Variants in LTA4H observed in about 807,000 individuals in gnomAD.
LTA4H encodes the protein leukotriene A4 hydrolase, also known as leukotriene A-4 hydrolase.
LTA4H carries 59 observed loss-of-function variants against 89.8 expected under a neutral mutation model. The ratio of observed to expected loss-of-function variants is 0.66; its 90% CI spans 0.53 to 0.82. The LOEUF is 0.82. LTA4H is among the 40% of genes least tolerant of loss of function. LTA4H has a pLI of 0.00. For synonymous variants in LTA4H, 227 were observed against 253.1 expected, an observed-to-expected ratio of 0.90 and a Z score of 0.98; for missense variants, 617 against 727.0, an observed-to-expected ratio of 0.85 and a Z score of 1.74.
At chr12:96,023,295 A>C (rs552525420) in intron 4 of LTA4H, among the ~76,000 whole-genome samples, 40 of 151,986 alleles carry the variant, frequency 2.6e-4, no homozygotes, top group Non-Finnish European at 4.7e-4. Context: ...CGGTTCAGCC[A>C]CCTCCCTTCA....
chr12:96,019,132 A>G (rs778766372), intron 7 of LTA4H, 36 bp downstream of exon 7: 9 of 1,562,738 alleles, frequency 5.8e-6, no homozygotes, highest in Non-Finnish European at 7.9e-6. Flanking sequence ...TCTACTGTCT[A>G]TCACAATGAT....
intron 3 of LTA4H, 164 bp downstream of exon 3, chr12:96,027,280 T>C: frequency 1.9e-6 from 1 of 536,008 alleles, no homozygotes; most frequent in Non-Finnish European, 3.0e-6. Flanking sequence ...TAGTGAAAGA[T>C]AAAATGAAAA....
intron 18 of LTA4H, among the ~76,000 whole-genome samples, chr12:96,001,922 A>G (rs1378156742): frequency 6.6e-6 from 1 of 151,982 alleles, no homozygotes; most frequent in Non-Finnish European, 1.5e-5. Context: ...CAATGGCGCA[A>G]TCTCAGCTCA....
chr12:96,012,370 A>AC (rs1950315237), intron 14 of LTA4H: 1 of 152,162 alleles, frequency 6.6e-6, no homozygotes, highest in Non-Finnish European at 1.5e-5. Flanking sequence ...ACAACTCGTG[A>AC]AAGACCAGGG....
At chr12:96,017,177 C>A in intron 9 of LTA4H, 63 bp from the exon 10 acceptor site, 2 of 1,073,204 alleles carry the variant, frequency 1.9e-6, no homozygotes, top group East Asian at 4.7e-5. Context: ...ACCCATTCTA[C>A]TGTAAACACT....
chr12:96,027,994 A>C (rs1045960623), intron 2 of LTA4H: 1 of 152,476 alleles, frequency 6.6e-6, no homozygotes, highest in Non-Finnish European at 1.5e-5. Context: ...ACAAGACAAG[A>C]CCAGAAGTTG....
intron 3 of LTA4H, 49 bp from the exon 4 acceptor site, chr12:96,024,596 G>A (rs1950492460): frequency 1.7e-6 from 2 of 1,158,708 alleles, no homozygotes; most frequent in African/African-American, 1.5e-5. Context: ...TTTCGCATAA[G>A]TCATTAAGAA....
intron 3 of LTA4H, 62 bp from the exon 4 acceptor site, chr12:96,024,609 C>A: frequency 2.0e-6 from 2 of 1,020,106 alleles, no homozygotes; most frequent in South Asian, 2.6e-5. Flanking sequence ...ATTAAGAAAT[C>A]ATTAAAAATT....
chr12:96,019,040 A>T (rs904239215), intron 7 of LTA4H, 128 bp downstream of exon 7: 1 of 1,138,204 alleles, frequency 8.8e-7, no homozygotes, highest in African/African-American at 1.6e-5. Context: ...AGAATGTAGC[A>T]ACTACACATC....
upstream of LTA4H, among the ~76,000 whole-genome samples, chr12:96,038,957 T>C (rs1950668754): frequency 6.6e-6 from 1 of 151,768 alleles, no homozygotes; most frequent in Non-Finnish European, 1.5e-5. Context: ...ACAGTAGGAA[T>C]TGTTTTCTGA....
At chr12:96,034,957 G>A (rs868390240) in intron 1 of LTA4H, among the ~76,000 whole-genome samples, 10 of 152,192 alleles carry the variant, frequency 6.6e-5, no homozygotes, top group Non-Finnish European at 1.3e-4. Context: ...CCGAAGCAAT[G>A]GGGAGGCCAT....
chr12:96,041,985 TC>T (rs1230160006), intron 1 of LTA4H, among the ~76,000 whole-genome samples: 17 of 111,708 alleles, frequency 1.5e-4, no homozygotes, highest in South Asian at 6.7e-4. Flanking sequence ...TGTTTTTTTT[TC>T]TTTTTTTTTT....
intron 6 of LTA4H, among the ~76,000 whole-genome samples, chr12:96,020,342 A>T (rs774850567): frequency 1.3e-5 from 2 of 152,240 alleles, no homozygotes; most frequent in Non-Finnish European, 2.9e-5. Flanking sequence ...CCTTAAGGGC[A>T]TTATGACACC....
intron 10 of LTA4H, among the ~76,000 whole-genome samples, chr12:96,015,999 A>G (rs1267523225): frequency 6.6e-6 from 1 of 152,216 alleles, no homozygotes; most frequent in Non-Finnish European, 1.5e-5. Context: ...CGCTGTAATA[A>G]GTGTTACAGA....
chr12:96,024,592 A>AT lies in LTA4H; in HGVS notation c.412-46dup, dbSNP rs755920927. 3.3e-6 allele frequency: 4 copies of AT among 1,194,994 alleles called. No individual in the cohort carries two copies. The South Asian group carries it at 4.9e-5, about 15-fold the overall frequency. The allele number at this position is 1,194,994 out of a possible 1,614,324, so 74.0% of individuals were successfully genotyped here. A position where few individuals can be genotyped will look rare whatever the true frequency, so the allele number is the denominator to read the frequency against. On this transcript the variant is annotated intron_variant, in intron 3 of 18. Coordinates refer to ENST00000228740, the MANE Select transcript of LTA4H (RefSeq NM_000895.3). ...GAAGAAATAGCTATTTATCTTTCGC[A>AT]TAAGTCATTAAGAAATCATTAAAAA...
intron 18 of LTA4H, among the ~76,000 whole-genome samples, chr12:96,002,189 G>A (rs1464518910): frequency 2.0e-5 from 3 of 152,190 alleles, no homozygotes; most frequent in African/African-American, 7.2e-5. Flanking sequence ...CCTATTTAAA[G>A]TATACTTTAC....
chr12:96,006,658 A>G (rs909360482), intron 15 of LTA4H, among the ~76,000 whole-genome samples: 1 of 152,218 alleles, frequency 6.6e-6, no homozygotes, highest in Non-Finnish European at 1.5e-5. Flanking sequence ...AGTGGAAGAA[A>G]CTGTTGACAT....
chr12:96,002,941 G>T lies in LTA4H; in HGVS notation c.1718+19C>A. 2.0e-6 allele frequency: 3 copies of T among 1,509,996 alleles called. No homozygotes were observed. Among genetic ancestry groups the T allele is most frequent in the Non-Finnish European group, 1.8e-6 (2 of 1,098,928 alleles). 93.5% of individuals were successfully genotyped at this position (1,509,996 alleles called of 1,614,324 possible). A position where few individuals can be genotyped will look rare whatever the true frequency, so the allele number is the denominator to read the frequency against. On this transcript the variant is annotated intron_variant, in intron 18 of 18. Coordinates refer to ENST00000228740, the MANE Select transcript of LTA4H (RefSeq NM_000895.3). The stretch of plus-strand genomic sequence containing the variant: ...TGTTTCTTAGATGAATTCAAAGTAC[G>T]GTCTGAGTGGGTTCTTACTTGAATA...
intron 10 of LTA4H, among the ~76,000 whole-genome samples, chr12:96,016,051 C>T (rs113198910): frequency 0.011 from 1,705 of 152,274 alleles, 31 homozygotes; most frequent in African/African-American, 0.038. Flanking sequence ...TGGTGGCCCA[C>T]GCCTGTAATC....
Sources: gnomAD v4.1 joint callset for allele counts (sites outside exome capture counted in the v4.1 genomes callset) on GRCh38, gnomAD v4.1.1 for gene constraint, MANE v1.5 for transcripts, NCBI Gene and HGNC (gene_info 2026-07-23, HGNC 2026-07-21) for gene names.